The following TNIK variants were observed in gnomAD, a reference collection of about 807,000 sequenced individuals.
The protein encoded by TNIK is TRAF2 and NCK-interacting protein kinase.
In TNIK, 49 loss-of-function variants were observed where a neutral mutation model predicts 191.3. The observed-to-expected ratio is 0.26, with a 90% CI of 0.20 to 0.32. The LOEUF (loss-of-function observed/expected upper bound fraction) is 0.32. Among genes scored for constraint, TNIK ranks in the 10% least tolerant of loss-of-function variants. TNIK has a pLI of 1.00. For synonymous variants in TNIK, 594 were observed against 600.9 expected, an observed-to-expected ratio of 0.99 and a Z score of 0.17; for missense variants, 1,155 against 1,702.3, an observed-to-expected ratio of 0.68 and a Z score of 5.66.
chr3:171,453,274 T>C (rs1002991896), intron 1 of TNIK, among the ~76,000 whole-genome samples: 4 of 152,170 alleles, frequency 2.6e-5, no homozygotes, highest in African/African-American at 9.7e-5. Flanking sequence ...CTGAGTGTTA[T>C]GAAAGAGGTG....
rs529576008 is a variant in TNIK at position 171,133,396 on chromosome 3, A to G, written c.1609-4518T>C. Among the ~76,000 whole-genome samples, 7 of 152,354 alleles carry G rather than the reference A, an allele frequency of 4.6e-5. No individual in the cohort carries two copies. In the South Asian group the frequency reaches 1.2e-3, roughly 27 times the overall value. On this transcript the variant is annotated intron_variant, in intron 15 of 32. Transcript: ENST00000436636. ...AATCCAGACCAAAACAAGAGACAGA[A>G]CACTTGTTCCTCATGAGCTACAACA...
In TNIK at chr3:171,159,440, TAA is replaced by T. The variant is rs1277889464; in HGVS notation, c.1017-1778_1017-1777del. ...TGTGAGATACTGCCATGAAAAGACA[TAA>T]AAAGGCTTTGTTCGTGATGTTCCAT... On this transcript the variant is annotated intron_variant, in intron 11 of 32. Transcript: ENST00000436636. This position sits in a 1 kb window ranked among gnomAD's most constrained non-coding sequence, Gnocchi z 4.1. 2.6e-5 allele frequency among the ~76,000 whole-genome samples: 4 copies of T among 152,054 alleles called. No homozygotes were observed. In the East Asian group the frequency reaches 7.7e-4, roughly 29 times the overall value.
At chr3:171,210,869 CAG>C (rs1740728451) in intron 4 of TNIK, among the ~76,000 whole-genome samples, 1 of 94,672 alleles carries the variant, frequency 1.1e-5, no homozygotes, top group Non-Finnish European at 2.3e-5. Context: ...AAAAAAAAAA[CAG>C]AGAACTTAAC....
chr3:171,147,499 G>A (rs1013268402), intron 12 of TNIK, among the ~76,000 whole-genome samples: 3 of 152,164 alleles, frequency 2.0e-5, no homozygotes, highest in Non-Finnish European at 4.4e-5. Flanking sequence ...TAGGGTAAGG[G>A]CATGATTCCT....
intron 2 of TNIK, among the ~76,000 whole-genome samples, chr3:171,285,445 A>G (rs879329834): frequency 5.9e-5 from 9 of 152,018 alleles, no homozygotes; most frequent in Admixed American, 2.6e-4. Flanking sequence ...TAGAGTGGAA[A>G]CTGATGAGCT....
In TNIK at chr3:171,101,565, C is replaced by T. The variant is rs747047203; in HGVS notation, c.2475G>A (p.Lys825=). The change falls in exon 22 of 33, where the codon AAG becomes AAA. Residue 825 remains lysine (K), a synonymous_variant. Transcript: ENST00000436636. ...RIEETNRPMK[K]VTDYSSSSEE... ...CACTGGAGGAGGAGTAATCAGTCAC[C>T]TTCTTCATTGGGCGGTTTGTTTCTT... 2.0e-5 allele frequency: 33 copies of T among 1,613,486 alleles called. No homozygotes were observed. In the South Asian group the frequency reaches 2.9e-4, roughly 14 times the overall value.
chr3:171,124,690 C>T (rs1472401577), intron 17 of TNIK, among the ~76,000 whole-genome samples: 2 of 152,132 alleles, frequency 1.3e-5, no homozygotes, highest in Non-Finnish European at 2.9e-5. Context: ...ACTACCTGTT[C>T]AAATTAATTA....
intron 1 of TNIK, among the ~76,000 whole-genome samples, chr3:171,391,619 T>C (rs1434699145): frequency 1.3e-5 from 2 of 152,222 alleles, no homozygotes; most frequent in Non-Finnish European, 1.5e-5. Context: ...TCTTGTCATA[T>C]TGCCACAATT....
At chr3:171,182,661 G>A (rs558442414) in intron 7 of TNIK, among the ~76,000 whole-genome samples, 12 of 152,188 alleles carry the variant, frequency 7.9e-5, no homozygotes, top group Admixed American at 2.6e-4. Context: ...TGCTGGAAAG[G>A]GTGGGAGTGG....
At chr3:171,347,127 G>C (rs771940498) in intron 2 of TNIK, 198 of 1,508,356 alleles carry the variant, frequency 1.3e-4, no homozygotes, top group Non-Finnish European at 1.7e-4. Context: ...GATCAGCTGG[G>C]CTTGGTGATG....
intron 2 of TNIK, among the ~76,000 whole-genome samples, chr3:171,291,833 C>CTT (rs1751713373): frequency 6.6e-6 from 1 of 152,136 alleles, no homozygotes; most frequent in African/African-American, 2.4e-5. Flanking sequence ...CTGTTCCACT[C>CTT]TTTCTCCTTT....
Position 171,066,253 on chromosome 3 carries a change from A to T in TNIK, c.3933T>A (p.His1311Gln). Residue 1311 changes from histidine to glutamine, a missense_variant, in exon 32 of 33, where the codon CAT becomes CAA. By Grantham distance (24) the His-to-Gln change is conservative. Transcript: ENST00000436636. ...GCTTATGCATAAATACTCCATCCAAATGTCCTGTTTCCACTGACCGGATCT... is the reference window on the plus strand; with the variant it reads ...GCTTATGCATAAATACTCCATCCAATTGTCCTGTTTCCACTGACCGGATCT... ...AIEIRSVETG[H>Q]LDGVFMHKRA... 6.2e-7 allele frequency: 1 copy of T among 1,613,938 alleles called. No individual in the cohort carries two copies. The highest frequency in any genetic ancestry group is 2.2e-5 in the East Asian group (1 of 44,872).
At chr3:171,419,537 G>A (rs567544779) in intron 1 of TNIK, among the ~76,000 whole-genome samples, 8 of 152,230 alleles carry the variant, frequency 5.3e-5, no homozygotes, top group African/African-American at 1.9e-4. Context: ...TAAACAAATA[G>A]ACAAGGCTCA....
intron 2 of TNIK, among the ~76,000 whole-genome samples, chr3:171,292,539 G>A (rs1751791952): frequency 6.6e-6 from 1 of 152,142 alleles, no homozygotes; most frequent in Non-Finnish European, 1.5e-5. Flanking sequence ...CACTTTGGGA[G>A]GCCCAGGCGG....
chr3:171,401,848 T>TGC (rs1720998109), intron 1 of TNIK, among the ~76,000 whole-genome samples: 2 of 152,350 alleles, frequency 1.3e-5, no homozygotes. Flanking sequence ...CACAGTCCAG[T>TGC]GCCTGACACA....
intron 1 of TNIK, among the ~76,000 whole-genome samples, chr3:171,429,810 C>T (rs544396769): frequency 6.6e-6 from 1 of 152,262 alleles, no homozygotes; most frequent in East Asian, 1.9e-4. Flanking sequence ...TGGAATCCTA[C>T]CTCGCCCCAG....
At chr3:171,201,131 G>A (rs1449541992) in intron 4 of TNIK, among the ~76,000 whole-genome samples, 24 of 152,210 alleles carry the variant, frequency 1.6e-4, no homozygotes, top group Admixed American at 1.6e-3. Flanking sequence ...TGGGCACAGT[G>A]GCTTACGCCT....
intron 2 of TNIK, among the ~76,000 whole-genome samples, chr3:171,320,335 T>C (rs548503982): frequency 1.3e-5 from 2 of 152,300 alleles, no homozygotes; most frequent in East Asian, 3.9e-4. Context: ...AAATTGTTAC[T>C]AGGGGCTTCA....
intron 2 of TNIK, among the ~76,000 whole-genome samples, chr3:171,344,859 CT>C (rs966414214): frequency 4.6e-5 from 7 of 152,092 alleles, no homozygotes; most frequent in African/African-American, 1.7e-4. Context: ...GAATATTTAA[CT>C]CTCTTTATAT....
Sources: gnomAD v4.1 joint callset for allele counts (sites outside exome capture counted in the v4.1 genomes callset) on GRCh38, gnomAD v4.1.1 for gene constraint, Gnocchi (gnomAD v3.1) non-coding constraint, MANE v1.5 for transcripts, NCBI Gene and HGNC (gene_info 2026-07-23, HGNC 2026-07-21) for gene names.